Variants in NPR3 observed in about 807,000 individuals in gnomAD.
NPR3 encodes natriuretic peptide receptor 3.
NPR3 carries 34 observed loss-of-function variants against 54.5 expected under a neutral mutation model. The observed-to-expected ratio is 0.62, with a 90% CI of 0.47 to 0.83. NPR3 has a LOEUF of 0.83. NPR3 is among the 40% of genes least tolerant of loss of function. The pLI is 0.00. For missense variants in NPR3, 674 were observed against 720.8 expected, an observed-to-expected ratio of 0.94 and a Z score of 0.74; for synonymous variants, 289 against 297.1, an observed-to-expected ratio of 0.97 and a Z score of 0.28.
intron 1 of NPR3, among the ~76,000 whole-genome samples, chr5:32,721,194 T>A (rs549464016): frequency 6.6e-6 from 1 of 152,340 alleles, no homozygotes; most frequent in South Asian, 2.1e-4. Context: ...GTTTGGTTCA[T>A]TCAAGAAAGA....
At chr5:32,750,798 G>C (rs1740535952) in intron 3 of NPR3, among the ~76,000 whole-genome samples, 1 of 152,158 alleles carries the variant, frequency 6.6e-6, no homozygotes, top group African/African-American at 2.4e-5. Flanking sequence ...TACTAACTCA[G>C]TGCATTCTTT....
At chr5:32,739,294 TTGCTTTTTCATGGGCACTTG>T (rs1342038067) in intron 3 of NPR3, among the ~76,000 whole-genome samples, 2 of 151,940 alleles carry the variant, frequency 1.3e-5, no homozygotes, top group African/African-American at 4.8e-5. Context: ...GGACAGACAA[TTGCTTTTTCATGGGCACTTG>T]TGGTGGTGCT....
chr5:32,724,712 G>T lies in NPR3; in HGVS notation c.784G>T (p.Ala262Ser). 6.2e-7 allele frequency: 1 copy of T among 1,613,948 alleles called. No individual in the cohort carries two copies. Among genetic ancestry groups the T allele is most frequent in the Non-Finnish European group, 8.5e-7 (1 of 1,179,880 alleles). ...TCCTCCCCTAGTGGTGATCATGTGT[G>T]CGAGCAGTGACACCATCCGGAGCAT... ...QASERVVIMC[A>S]SSDTIRSIML... is the part of the protein sequence containing the mutation. The change falls in exon 2 of 8, where the codon GCG (alanine) becomes TCG (serine). Residue 262 changes from alanine (A) to serine (S), a missense_variant. By Grantham distance (99) the Ala-to-Ser change is moderately conservative. Coordinates refer to ENST00000265074, the MANE Select transcript of NPR3 (RefSeq NM_001204375.2).
rs534865056 is a variant in NPR3, at chr5:32,731,384, T to G, written c.892+6564T>G. ...TCTGCCATGAACTAGCTGTTAACTC[T>G]AAGAGGTAAGGGTTAAGAGATGGTT... On this transcript the variant is annotated intron_variant, in intron 2 of 7. Coordinates refer to ENST00000265074, the MANE Select transcript of NPR3 (RefSeq NM_001204375.2). 3.9e-5 allele frequency among the ~76,000 whole-genome samples: 6 copies of G among 152,328 alleles called. No individual in the cohort carries two copies. The South Asian group carries it at 1.2e-3, about 32-fold the overall frequency.
intron 3 of NPR3, among the ~76,000 whole-genome samples, chr5:32,754,733 A>C (rs1023192898): frequency 6.6e-6 from 1 of 152,242 alleles, no homozygotes; most frequent in Admixed American, 6.5e-5. Flanking sequence ...ATAATAAACA[A>C]TATGACTATT....
At chr5:32,740,541 A>G (rs1739982268) in intron 3 of NPR3, among the ~76,000 whole-genome samples, 1 of 152,176 alleles carries the variant, frequency 6.6e-6, no homozygotes, top group Admixed American at 6.5e-5. Flanking sequence ...GTAGTTATAC[A>G]ATGTGACCCA....
At chr5:32,772,063 G>A (rs1741791728) in intron 3 of NPR3, among the ~76,000 whole-genome samples, 1 of 152,172 alleles carries the variant, frequency 6.6e-6, no homozygotes, top group Non-Finnish European at 1.5e-5. Context: ...CATGGCCTAA[G>A]TGGAAATTTC....
intron 2 of NPR3, among the ~76,000 whole-genome samples, chr5:32,728,835 G>GTATATA (rs1226669792): frequency 0.038 from 2,252 of 60,016 alleles, 51 homozygotes; most frequent in East Asian, 0.061. Context: ...GTGTGTGTGT[G>GTATATA]TGTATATATA....
At chr5:32,691,898 G>T (rs1042195199) in intron 1 of NPR3, among the ~76,000 whole-genome samples, 5 of 152,206 alleles carry the variant, frequency 3.3e-5, no homozygotes, top group Non-Finnish European at 1.5e-5. Context: ...CTATTGTTAA[G>T]ATCTGTCCAT....
intron 3 of NPR3, among the ~76,000 whole-genome samples, chr5:32,742,601 A>G (rs765469601): frequency 1.3e-5 from 2 of 152,208 alleles, no homozygotes; most frequent in African/African-American, 2.4e-5. Flanking sequence ...TGGGATCCCA[A>G]TATGTATTAA....
chr5:32,773,592 A>G (rs940940889), intron 3 of NPR3, among the ~76,000 whole-genome samples: 37 of 152,122 alleles, frequency 2.4e-4, no homozygotes, highest in African/African-American at 8.7e-4. Context: ...CCCTCACTTG[A>G]GAAACATCCC....
At chr5:32,774,558 TG>T in intron 3 of NPR3, 149 bp from the exon 4 acceptor site, 1 of 670,186 alleles carries the variant, frequency 1.5e-6, no homozygotes, top group Non-Finnish European at 2.7e-6. Flanking sequence ...AGGAAAGTCA[TG>T]GCGTGATTCT....
intron 3 of NPR3, among the ~76,000 whole-genome samples, chr5:32,755,483 T>C (rs17541471): frequency 0.21 from 31,379 of 152,068 alleles, 3,352 homozygotes; most frequent in South Asian, 0.27. Context: ...GTGAGCTCCT[T>C]CTCTGGGTAA....
chr5:32,773,973 T>G (rs1045217710), intron 3 of NPR3, among the ~76,000 whole-genome samples: 1 of 152,214 alleles, frequency 6.6e-6, no homozygotes, highest in African/African-American at 2.4e-5. Flanking sequence ...TTTATGAAAC[T>G]TTAAGTTTCC....
At chr5:32,722,728 AC>A (rs1364477237) in intron 1 of NPR3, among the ~76,000 whole-genome samples, 2 of 152,160 alleles carry the variant, frequency 1.3e-5, no homozygotes, top group Non-Finnish European at 2.9e-5. Context: ...TTTATGGGAC[AC>A]CCTGGCTCTT....
chr5:32,710,491 C>A, upstream of NPR3: 1 of 649,552 alleles, frequency 1.5e-6, no homozygotes, highest in Non-Finnish European at 2.3e-6. Flanking sequence ...ACAAGTTTCA[C>A]TTTCCTGCTC....
chr5:32,710,879 GGTGT>G, upstream of NPR3: 6 of 1,029,082 alleles, frequency 5.8e-6, no homozygotes, highest in South Asian at 1.8e-5. Context: ...TTTTTTGCAC[GGTGT>G]GTGTGTGTAT....
chr5:32,770,561 T>G lies in NPR3; in HGVS notation c.1060-4147T>G, dbSNP rs548916987. Among the ~76,000 whole-genome samples, 6 of 152,358 alleles carry G rather than the reference T, an allele frequency of 3.9e-5. No individual in the cohort carries two copies. The South Asian group carries it at 1.2e-3, about 32-fold the overall frequency. The stretch of plus-strand genomic sequence containing the variant: ...AGATGGTGAATGATTTTCATCTCGT[T>G]GAAAGGCCACTTTATTTGATAAACA... On this transcript the variant is annotated intron_variant, in intron 3 of 7. Coordinates refer to ENST00000265074, the MANE Select transcript of NPR3 (RefSeq NM_001204375.2).
chr5:32,712,531 A>G lies in NPR3; in HGVS notation c.755A>G (p.Gln252Arg). 2.0e-6 allele frequency: 3 copies of G among 1,524,648 alleles called. No individual in the cohort carries two copies. Among genetic ancestry groups the G allele is most frequent in the Non-Finnish European group, 2.6e-6 (3 of 1,139,902 alleles). 94.4% of individuals were successfully genotyped at this position (1,524,648 alleles called of 1,614,324 possible). Residue 252 changes from glutamine to arginine, a missense_variant, in exon 1 of 8, where the codon CAG becomes CGG. Transcript: ENST00000265074. ...LDLEDIVRNI[Q>R]ASERVVIMCA... ...CTGGAAGACATCGTGCGCAATATCC[A>G]GGCCAGTGAGAGAGGTGAGCAGGGG...
Sources: allele counts gnomAD v4.1 joint callset (sites outside exome capture counted in the v4.1 genomes callset), GRCh38; gene constraint gnomAD v4.1.1; transcripts MANE v1.5; gene names NCBI Gene and HGNC (gene_info 2026-07-23, HGNC 2026-07-21).